SOX5: variants seen among roughly 807,000 people sequenced by gnomAD.
SOX5 encodes transcription factor SOX-5.
In SOX5, 9 loss-of-function variants were observed where a neutral mutation model predicts 92.0. The ratio of observed to expected loss-of-function variants is 0.10; its 90% CI spans 0.06 to 0.17. The LOEUF (loss-of-function observed/expected upper bound fraction) is 0.17, where lower values mean the gene tolerates loss of function less well. Ranked by LOEUF, SOX5 falls within the 10% of genes least tolerant of loss-of-function variation. The pLI is 1.00. For synonymous variants in SOX5, 344 were observed against 336.3 expected (o/e 1.02, Z -0.25); for missense variants, 642 against 944.5 (o/e 0.68, Z 4.20).
intron 7 of SOX5, among the ~76,000 whole-genome samples, chr12:23,661,386 CCATGTGCTG>C (rs1378945011): frequency 6.6e-6 from 1 of 152,104 alleles, no homozygotes; most frequent in Non-Finnish European, 1.5e-5. Flanking sequence ...TGCAAAGAAG[CCATGTGCTG>C]CAGGAAGAGG....
intron 4 of SOX5, among the ~76,000 whole-genome samples, chr12:24,037,889 T>C (rs148117956): frequency 9.4e-4 from 143 of 152,184 alleles, no homozygotes; most frequent in Non-Finnish European, 1.6e-3. Context: ...ACCGGGCCAG[T>C]TGCAATTTTT....
At chr12:23,805,410 A>T (rs2095752081) in intron 3 of SOX5, among the ~76,000 whole-genome samples, 1 of 152,098 alleles carries the variant, frequency 6.6e-6, no homozygotes, top group South Asian at 2.1e-4. Context: ...AAAAGAGATA[A>T]AACATGTAAA....
At chr12:24,224,103 C>T (rs1594475181) in intron 3 of SOX5, among the ~76,000 whole-genome samples, 1 of 152,294 alleles carries the variant, frequency 6.6e-6, no homozygotes, top group South Asian at 2.1e-4. Flanking sequence ...TGTGTCATAA[C>T]GAATTACCAT....
chr12:24,094,048 G>A (rs186186095), intron 4 of SOX5, among the ~76,000 whole-genome samples: 39 of 152,108 alleles, frequency 2.6e-4, no homozygotes, highest in African/African-American at 7.7e-4. Context: ...CCGGGTTCAA[G>A]CGATTCTCCC....
intron 3 of SOX5, among the ~76,000 whole-genome samples, chr12:23,834,115 G>A (rs889791256): frequency 3.9e-5 from 6 of 151,954 alleles, no homozygotes; most frequent in African/African-American, 1.4e-4. Context: ...TTCTGACAAA[G>A]TTGTTTGAGG....
chr12:24,443,495 T>G (rs554176481), intron 1 of SOX5, among the ~76,000 whole-genome samples: 1 of 152,328 alleles, frequency 6.6e-6, no homozygotes, highest in African/African-American at 2.4e-5. Context: ...TGTCATATCT[T>G]GCAGAGACAA....
intron 9 of SOX5, among the ~76,000 whole-genome samples, chr12:23,586,167 C>G (rs945593381): frequency 6.6e-6 from 1 of 152,040 alleles, no homozygotes; most frequent in Non-Finnish European, 1.5e-5. Flanking sequence ...TTTTTGTTCC[C>G]CTTAGCACAA....
rs190759554 is a variant in SOX5, at chr12:24,274,759, G to C, written c.-77+2457C>G. Among the ~76,000 whole-genome samples the C allele has an allele frequency of 1.4e-3, 212 of 151,574 alleles. 1 individual carries two copies. The highest frequency in any genetic ancestry group is 4.8e-3 in the African/African-American group (200 of 41,322). ...TGATTTTTCACTCATCTTAGAGTTA[G>C]ATTCTCACTCTTCTAATATTCTAAG... On this transcript the variant is annotated intron_variant, in intron 3 of 4. Transcript: ENST00000446891.
chr12:24,274,442 C>T (rs1377539580), intron 3 of SOX5, among the ~76,000 whole-genome samples: 1 of 152,160 alleles, frequency 6.6e-6, no homozygotes, highest in Admixed American at 6.5e-5. Flanking sequence ...ACACCAGTGT[C>T]CACATAGTAT....
At chr12:23,978,092 C>T (rs1344996134) in intron 4 of SOX5, among the ~76,000 whole-genome samples, 2 of 152,142 alleles carry the variant, frequency 1.3e-5, no homozygotes, top group Non-Finnish European at 2.9e-5. Flanking sequence ...ATTCATATAA[C>T]TATTATTAAT....
intron 8 of SOX5, among the ~76,000 whole-genome samples, chr12:23,630,210 A>G (rs1042949194): frequency 3.3e-5 from 5 of 151,998 alleles, no homozygotes; most frequent in Admixed American, 6.6e-5. Context: ...CATAGAAACA[A>G]TTCATTTGCA....
At chr12:24,279,874 G>A (rs887190324) in intron 2 of SOX5, among the ~76,000 whole-genome samples, 3 of 152,166 alleles carry the variant, frequency 2.0e-5, no homozygotes, top group Admixed American at 6.6e-5. Context: ...CTGCAGGGGA[G>A]ACAGATGATA....
chr12:24,171,236 T>TTGTTTTG (rs1954104548), intron 4 of SOX5, among the ~76,000 whole-genome samples: 1 of 130,220 alleles, frequency 7.7e-6, no homozygotes, highest in Non-Finnish European at 1.7e-5. Flanking sequence ...TTTGTTTTTT[T>TTGTTTTG]TTTTGGAGAC....
intron 1 of SOX5, among the ~76,000 whole-genome samples, chr12:24,382,045 G>A (rs1957877817): frequency 1.3e-5 from 2 of 152,154 alleles, no homozygotes. Flanking sequence ...TCTAGAGATA[G>A]ACCAGTAAAC....
chr12:23,905,825 A>G lies in SOX5; in HGVS notation c.39-9801T>C, dbSNP rs200175890. Among the ~76,000 whole-genome samples the G allele has an allele frequency of 3.3e-4, 50 of 152,316 alleles. No homozygotes were observed. In the East Asian group the frequency reaches 9.3e-3, roughly 28 times the overall value. ...ATACTTTTCTCATGATTTACAAGAA[A>G]GAGTATGGTAATAAGCACGTTCTAC... On this transcript the variant is annotated intron_variant, in intron 1 of 14. Coordinates refer to ENST00000451604, the MANE Select transcript of SOX5 (RefSeq NM_006940.6).
intron 3 of SOX5, among the ~76,000 whole-genome samples, chr12:23,826,663 T>A (rs1594816064): frequency 6.6e-6 from 1 of 151,170 alleles, no homozygotes; most frequent in East Asian, 2.0e-4. Flanking sequence ...AATCCTAAAG[T>A]ACTGGAGCAA....
intron 1 of SOX5, among the ~76,000 whole-genome samples, chr12:23,923,293 A>AAATAAATGAATG (rs1555429720): frequency 1.3e-4 from 20 of 149,026 alleles, no homozygotes; most frequent in Admixed American, 3.4e-4. Flanking sequence ...ACCCAAAAAT[A>AAATAAATGAATG]AATGAATGAA....
intron 11 of SOX5, among the ~76,000 whole-genome samples, chr12:23,558,428 T>C (rs1025428010): frequency 3.9e-5 from 6 of 152,160 alleles, no homozygotes; most frequent in African/African-American, 1.4e-4. Flanking sequence ...TGACTTCTCC[T>C]TCCTGAATCT....
chr12:23,669,093 T>G (rs1006229154), intron 6 of SOX5, among the ~76,000 whole-genome samples: 1 of 152,150 alleles, frequency 6.6e-6, no homozygotes, highest in Non-Finnish European at 1.5e-5. Context: ...CAGTCTGTGG[T>G]AACTAGGGAT....
Sources: gnomAD v4.1 joint callset for allele counts (sites outside exome capture counted in the v4.1 genomes callset) on GRCh38, gnomAD v4.1.1 for gene constraint, MANE v1.5 for transcripts, NCBI Gene and HGNC (gene_info 2026-07-23, HGNC 2026-07-21) for gene names.